MTHFD2L: variants seen among roughly 807,000 people sequenced by gnomAD.
MTHFD2L encodes the protein methylenetetrahydrofolate dehydrogenase (NADP+ dependent) 2 like.
A neutral mutation model predicts 34.9 loss-of-function variants in MTHFD2L; 29 were observed. The ratio of observed to expected loss-of-function variants is 0.83; its 90% confidence interval spans 0.62 to 1.13. The LOEUF (loss-of-function observed/expected upper bound fraction) is 1.13, where lower values mean the gene tolerates loss of function less well. Ranked by LOEUF, MTHFD2L falls within the 50% of genes most tolerant of loss-of-function variation. The pLI, the probability that MTHFD2L is intolerant of heterozygous loss-of-function variation, is 0.00. For missense variants in MTHFD2L, 481 were observed against 446.5 expected, an observed-to-expected ratio of 1.08 and a Z score of -0.70; for synonymous variants, 167 against 155.7, an observed-to-expected ratio of 1.07 and a Z score of -0.54.
rs1197583978 is a variant in MTHFD2L, at chr4:74,274,549, TA to T, written c.806-6875del. 1.4e-4 allele frequency among the ~76,000 whole-genome samples: 21 copies of T among 152,234 alleles called. 1 individual carries two copies. The highest frequency in any genetic ancestry group is 7.2e-5 in the African/African-American group (3 of 41,474). The stretch of plus-strand genomic sequence containing the variant: ...ATCATTTACAACAGAAGTTCTTGAC[TA>T]GATCTTTGTGGATCTTTAAGATTAT... On this transcript the variant is annotated intron_variant, in intron 6 of 7. Coordinates refer to ENST00000325278, the MANE Select transcript of MTHFD2L (RefSeq NM_001144978.3).
intron 1 of MTHFD2L, among the ~76,000 whole-genome samples, chr4:74,131,939 A>G (rs1410308534): frequency 6.6e-6 from 1 of 152,230 alleles, no homozygotes; most frequent in Non-Finnish European, 1.5e-5. Context: ...GTGAACAGAC[A>G]CTTCTTAAAA....
At chr4:74,255,395 T>C (rs1743899559) in intron 6 of MTHFD2L, among the ~76,000 whole-genome samples, 1 of 152,052 alleles carries the variant, frequency 6.6e-6, no homozygotes, top group Non-Finnish European at 1.5e-5. Flanking sequence ...CAAAGCATAA[T>C]ACTACAAATA....
chr4:74,301,136 T>C (rs1750260466), intron 7 of MTHFD2L, among the ~76,000 whole-genome samples: 1 of 152,086 alleles, frequency 6.6e-6, no homozygotes, highest in African/African-American at 2.4e-5. Context: ...CATTGCAAGC[T>C]GGGGACCATC....
intron 6 of MTHFD2L, chr4:74,242,026 T>C (rs1486438064): frequency 6.5e-6 from 1 of 152,834 alleles, no homozygotes; most frequent in Admixed American, 6.5e-5. Flanking sequence ...CTTTTGATGA[T>C]GGAAATGTTC....
chr4:74,301,531 G>A (rs1750318901), intron 7 of MTHFD2L, among the ~76,000 whole-genome samples, 166 bp from the exon 8 acceptor site: 1 of 147,946 alleles, frequency 6.8e-6, no homozygotes, highest in South Asian at 2.1e-4. Context: ...GTGAGTGTGA[G>A]CGTGTGTGTG....
intron 5 of MTHFD2L, among the ~76,000 whole-genome samples, chr4:74,203,321 G>A (rs1734758678): frequency 6.6e-6 from 1 of 152,006 alleles, no homozygotes; most frequent in South Asian, 2.1e-4. Flanking sequence ...GTCTATTGCT[G>A]CTTATCTCTT....
chr4:74,201,393 T>C (rs766239583), intron 5 of MTHFD2L, 23 bp downstream of exon 5: 4 of 1,530,352 alleles, frequency 2.6e-6, no homozygotes, highest in Middle Eastern at 1.7e-4. Context: ...TTGCAGATTC[T>C]ACACTCTCTC....
chr4:74,194,385 A>G (rs192709110), intron 3 of MTHFD2L: 1 of 151,252 alleles, frequency 6.6e-6, no homozygotes. Flanking sequence ...TCTTTCAGTG[A>G]TTTTTTTTTC....
intron 6 of MTHFD2L, among the ~76,000 whole-genome samples, chr4:74,261,792 C>G (rs993897620): frequency 2.0e-5 from 3 of 152,094 alleles, no homozygotes; most frequent in African/African-American, 7.2e-5. Flanking sequence ...TTCCCACTTG[C>G]AAGTTGTGTG....
Position 74,246,742 on chromosome 4 carries a change from T to G in MTHFD2L, c.805+21348T>G, listed in dbSNP as rs553416349. 3.3e-5 allele frequency among the ~76,000 whole-genome samples: 5 copies of G among 152,288 alleles called. No individual in the cohort carries two copies. The South Asian group carries it at 1.0e-3, about 32-fold the overall frequency. On this transcript the variant is annotated intron_variant, in intron 6 of 7. Coordinates refer to ENST00000325278, the MANE Select transcript of MTHFD2L (RefSeq NM_001144978.3). ...ACCATTTATTAAATAGGGAATCCTT[T>G]CCCCATTGCTTGTTTTTCTCAGGTT...
At chr4:74,287,180 TG>T (rs1748289695) in intron 7 of MTHFD2L, among the ~76,000 whole-genome samples, 1 of 152,180 alleles carries the variant, frequency 6.6e-6, no homozygotes, top group African/African-American at 2.4e-5. Flanking sequence ...ACATTATCAT[TG>T]TATTTTGTAC....
chr4:74,164,472 C>T (rs1578305552), intron 1 of MTHFD2L, among the ~76,000 whole-genome samples: 1 of 152,014 alleles, frequency 6.6e-6, no homozygotes, highest in African/African-American at 2.4e-5. Context: ...GTAAACAAGC[C>T]CATGGAAACA....
At chr4:74,171,237 T>C (rs1727913242) in intron 1 of MTHFD2L, among the ~76,000 whole-genome samples, 1 of 152,142 alleles carries the variant, frequency 6.6e-6, no homozygotes, top group Non-Finnish European at 1.5e-5. Flanking sequence ...AATAAGCATA[T>C]GAAAAGATGT....
At chr4:74,276,834 A>T (rs1437521927) in intron 6 of MTHFD2L, among the ~76,000 whole-genome samples, 1 of 152,164 alleles carries the variant, frequency 6.6e-6, no homozygotes, top group Non-Finnish European at 1.5e-5. Flanking sequence ...ACCATTAAAT[A>T]TAATTTATAT....
intron 6 of MTHFD2L, among the ~76,000 whole-genome samples, chr4:74,273,453 A>G (rs374840721): frequency 9.2e-5 from 14 of 152,286 alleles, no homozygotes; most frequent in African/African-American, 3.4e-4. Context: ...GGAATCTTTT[A>G]AGGGAATAAT....
chr4:74,163,262 T>C (rs984988570), intron 1 of MTHFD2L, among the ~76,000 whole-genome samples: 42 of 152,178 alleles, frequency 2.8e-4, no homozygotes, highest in African/African-American at 7.2e-4. Flanking sequence ...TTTAATACTT[T>C]TAAAAAAAAG....
chr4:74,189,742 A>G (rs1732136301), intron 3 of MTHFD2L, among the ~76,000 whole-genome samples: 1 of 152,054 alleles, frequency 6.6e-6, no homozygotes, highest in Non-Finnish European at 1.5e-5. Context: ...GCTTTTCACA[A>G]TATCTTCAAA....
intron 3 of MTHFD2L, among the ~76,000 whole-genome samples, chr4:74,191,255 G>A (rs1224843661): frequency 2.0e-5 from 3 of 152,030 alleles, no homozygotes; most frequent in Admixed American, 6.6e-5. Context: ...TAATATGGTA[G>A]ACATTCAGTA....
At chr4:74,284,094 G>A (rs16850845) in intron 7 of MTHFD2L, among the ~76,000 whole-genome samples, 6,637 of 152,132 alleles carry the variant, frequency 0.044, 445 homozygotes, top group African/African-American at 0.15. Flanking sequence ...GAAGTAAATC[G>A]TCCTTGCAGA....
Sources: allele counts gnomAD v4.1 joint callset (sites outside exome capture counted in the v4.1 genomes callset), GRCh38; gene constraint gnomAD v4.1.1; transcripts MANE v1.5; gene names NCBI Gene and HGNC (gene_info 2026-07-23, HGNC 2026-07-21).